Variants in CWC27 observed in about 807,000 individuals in gnomAD.
The protein encoded by CWC27 is CWC27 spliceosome associated cyclophilin.
Under a neutral mutation model 63.6 loss-of-function variants are expected in CWC27, and 47 were observed. The ratio of observed to expected loss-of-function variants is 0.74; its 90% CI spans 0.58 to 0.94. The LOEUF (loss-of-function observed/expected upper bound fraction) is 0.94, where lower values mean the gene tolerates loss of function less well. CWC27 is among the 40% of genes least tolerant of loss of function. The pLI is 0.00. For missense variants in CWC27, 495 were observed against 554.3 expected (o/e 0.89, Z 1.07); for synonymous variants, 175 against 179.8 (o/e 0.97, Z 0.22).
intron 10 of CWC27, among the ~76,000 whole-genome samples, chr5:64,809,646 C>T (rs955455531): frequency 2.0e-5 from 3 of 152,188 alleles, no homozygotes; most frequent in African/African-American, 4.8e-5. Context: ...GGATTATAGG[C>T]GTGAGCTACT....
chr5:64,927,532 C>T (rs1216286458), intron 11 of CWC27, among the ~76,000 whole-genome samples: 2 of 152,144 alleles, frequency 1.3e-5, no homozygotes, highest in Admixed American at 6.5e-5. Context: ...TCCAGCCTGT[C>T]TTTTGTCTCA....
intron 2 of CWC27, 23 bp downstream of exon 2, chr5:64,774,810 G>A: frequency 7.7e-7 from 1 of 1,293,180 alleles, no homozygotes; most frequent in Non-Finnish European, 1.1e-6. Context: ...TTATTCTACT[G>A]GAGAAATTCT....
intron 11 of CWC27, among the ~76,000 whole-genome samples, chr5:64,900,902 CTG>C (rs1747487889): frequency 6.6e-6 from 1 of 152,164 alleles, no homozygotes; most frequent in Non-Finnish European, 1.5e-5. Flanking sequence ...CTTGTCCAAT[CTG>C]TGGCCAGTGG....
intron 13 of CWC27, among the ~76,000 whole-genome samples, chr5:64,997,818 T>C (rs1280407049): frequency 1.3e-5 from 2 of 152,106 alleles, no homozygotes; most frequent in African/African-American, 2.4e-5. Flanking sequence ...TTGGAGAACA[T>C]AGAATTATAA....
chr5:64,950,131 T>C (rs1040518655), intron 11 of CWC27, among the ~76,000 whole-genome samples: 10 of 152,026 alleles, frequency 6.6e-5, no homozygotes, highest in African/African-American at 2.4e-4. Context: ...ATAATTAATT[T>C]CATTTGTTTT....
chr5:64,840,934 T>G (rs914052020), intron 10 of CWC27, among the ~76,000 whole-genome samples: 3 of 152,128 alleles, frequency 2.0e-5, no homozygotes, highest in Non-Finnish European at 2.9e-5. Flanking sequence ...ACTGACACAT[T>G]GTGAAGGTAG....
At chr5:64,851,072 C>T (rs1198209599) in intron 10 of CWC27, among the ~76,000 whole-genome samples, 1 of 152,142 alleles carries the variant, frequency 6.6e-6, no homozygotes, top group Non-Finnish European at 1.5e-5. Context: ...ATTTGAAATT[C>T]ATTTGTTGAA....
At position 64,885,621 on chromosome 5, in the gene CWC27, C is replaced by G. The variant is rs564112633; in HGVS notation, c.1042+75C>G. The G allele has an allele frequency of 3.2e-5, 33 of 1,047,092 alleles. 1 individual carries two copies. The South Asian group carries it at 4.7e-4, about 15-fold the overall frequency. 64.9% of individuals were successfully genotyped at this position (1,047,092 alleles called of 1,614,324 possible). On this transcript the variant is annotated intron_variant, in intron 11 of 13. Transcript: ENST00000381070. ...TGTTTTCTTAGCTCCTCCCTGCCCG[C>G]TCCCGTATTCATCCCTTCCCTTCTC...
At chr5:64,867,939 G>A (rs908931747) in intron 10 of CWC27, among the ~76,000 whole-genome samples, 1 of 52,052 alleles carries the variant, frequency 1.9e-5, no homozygotes, top group Non-Finnish European at 3.9e-5. Flanking sequence ...TGTTGTGTTT[G>A]GGGGGGGGGC....
At chr5:64,915,228 T>C (rs1345709399) in intron 11 of CWC27, among the ~76,000 whole-genome samples, 1 of 152,190 alleles carries the variant, frequency 6.6e-6, no homozygotes, top group Non-Finnish European at 1.5e-5. Flanking sequence ...AAATACTTTT[T>C]GGAAGTGGTA....
At chr5:64,918,004 A>C (rs983772515) in intron 11 of CWC27, among the ~76,000 whole-genome samples, 1 of 151,992 alleles carries the variant, frequency 6.6e-6, no homozygotes, top group Non-Finnish European at 1.5e-5. Context: ...TGATTAATAT[A>C]CCCGATAAAT....
At chr5:64,922,488 G>C (rs1169916646) in intron 11 of CWC27, among the ~76,000 whole-genome samples, 1 of 152,066 alleles carries the variant, frequency 6.6e-6, no homozygotes, top group African/African-American at 2.4e-5. Flanking sequence ...GTTCAGTTTG[G>C]TTCTTTCTTT....
At position 64,789,040 on chromosome 5, in the gene CWC27, T is replaced by G; in HGVS notation, c.669+20T>G. 6.5e-7 allele frequency: 1 copy of G among 1,548,300 alleles called. No individual in the cohort carries two copies. The highest frequency in any genetic ancestry group is 1.7e-4 in the Middle Eastern group (1 of 5,868). On this transcript the variant is annotated intron_variant, in intron 7 of 13. Coordinates refer to ENST00000381070, the MANE Select transcript of CWC27 (RefSeq NM_005869.4). ...AGTCAGGTAATCTCTAATTTGCCCT[T>G]TGTTCTAACTTACAAAAGAGATTGG...
chr5:64,928,964 C>CTTTT (rs373815261), intron 11 of CWC27, among the ~76,000 whole-genome samples: 1 of 141,792 alleles, frequency 7.1e-6, no homozygotes, highest in African/African-American at 2.6e-5. Flanking sequence ...TAGGCTTTGT[C>CTTTT]TTTTTTTTTT....
At chr5:64,827,321 T>A (rs1476233778) in intron 10 of CWC27, among the ~76,000 whole-genome samples, 1 of 152,174 alleles carries the variant, frequency 6.6e-6, no homozygotes, top group African/African-American at 2.4e-5. Context: ...GCCTCAGAAC[T>A]CATCGTACTG....
intron 11 of CWC27, among the ~76,000 whole-genome samples, chr5:64,947,146 T>C (rs1483810950): frequency 2.0e-5 from 3 of 152,106 alleles, no homozygotes; most frequent in Admixed American, 1.3e-4. Context: ...TACTGCTGCT[T>C]CCTAAAAAGG....
chr5:65,018,032 G>A, intron 13 of CWC27, 127 bp from the exon 14 acceptor site: 1 of 827,230 alleles, frequency 1.2e-6, no homozygotes, highest in Middle Eastern at 2.7e-4. Context: ...GTAAGCACCA[G>A]TAAACAACAA....
At chr5:64,770,707 A>C (rs918036209) in intron 1 of CWC27, among the ~76,000 whole-genome samples, 5 of 152,220 alleles carry the variant, frequency 3.3e-5, no homozygotes, top group Admixed American at 2.0e-4. Flanking sequence ...TGATAGAAGG[A>C]GTTCAGATAG....
At chr5:64,890,102 A>G (rs1195473363) in intron 11 of CWC27, among the ~76,000 whole-genome samples, 1 of 152,206 alleles carries the variant, frequency 6.6e-6, no homozygotes, top group Non-Finnish European at 1.5e-5. Flanking sequence ...CTTTAAAGAG[A>G]TAAGGTGTTA....
Sources: gnomAD v4.1 joint callset for allele counts (sites outside exome capture counted in the v4.1 genomes callset) on GRCh38, gnomAD v4.1.1 for gene constraint, MANE v1.5 for transcripts, NCBI Gene and HGNC (gene_info 2026-07-23, HGNC 2026-07-21) for gene names.